B4GALT1: variants seen among roughly 807,000 people sequenced by gnomAD.
B4GALT1 encodes the protein N-acetyllactosamine synthase.
B4GALT1 carries 16 observed loss-of-function variants against 34.9 expected under a neutral mutation model. The observed-to-expected ratio is 0.46, with a 90% CI of 0.31 to 0.70. The LOEUF is 0.70. B4GALT1 is among the 30% of genes least tolerant of loss of function. The probability of loss-of-function intolerance (pLI) is 0.05; values close to 1 mark genes in which losing one functional copy is unlikely to be tolerated. For missense variants in B4GALT1, 445 were observed against 530.5 expected (o/e 0.84, Z 1.58); for synonymous variants, 221 against 218.1 (o/e 1.01, Z -0.12).
chr9:33,141,577 A>G (rs769376320), intron 1 of B4GALT1, among the ~76,000 whole-genome samples: 6 of 152,312 alleles, frequency 3.9e-5, no homozygotes, highest in Middle Eastern at 6.8e-3. Flanking sequence ...AGCCAACAGT[A>G]CTGCTAAGTG....
At chr9:33,107,477 C>T (rs1382385153), downstream of B4GALT1, among the ~76,000 whole-genome samples, 24 of 152,106 alleles carry the variant, frequency 1.6e-4, no homozygotes, top group East Asian at 9.6e-4. Flanking sequence ...AAACATGTCT[C>T]GCCCAGGGAG....
intron 1 of B4GALT1, among the ~76,000 whole-genome samples, chr9:33,147,957 C>G (rs538867733): frequency 6.6e-6 from 1 of 152,030 alleles, no homozygotes; most frequent in East Asian, 1.9e-4. Context: ...TCGCTTAAGC[C>G]CAGGATTGCG....
intron 1 of B4GALT1, among the ~76,000 whole-genome samples, chr9:33,143,847 A>G (rs1218350544): frequency 1.3e-5 from 2 of 151,944 alleles, no homozygotes; most frequent in Non-Finnish European, 2.9e-5. Context: ...ATGGTCAAAT[A>G]TAATAACTAC....
intron 1 of B4GALT1, among the ~76,000 whole-genome samples, chr9:33,139,991 C>G (rs1840325830): frequency 1.3e-5 from 2 of 152,260 alleles, no homozygotes; most frequent in Admixed American, 1.3e-4. Context: ...GGCCTCTCGG[C>G]TGGGAGTCCA....
At chr9:33,157,063 T>TACACACACAC (rs371027641) in intron 1 of B4GALT1, among the ~76,000 whole-genome samples, 2,952 of 87,276 alleles carry the variant, frequency 0.034, 294 homozygotes, top group African/African-American at 0.074. Flanking sequence ...CATAGGGAAC[T>TACACACACAC]ACACACACAC....
intron 2 of B4GALT1, among the ~76,000 whole-genome samples, chr9:33,125,643 C>T (rs1392018051): frequency 6.9e-6 from 1 of 144,950 alleles, no homozygotes; most frequent in Non-Finnish European, 1.6e-5. Flanking sequence ...TGCAAGCAGC[C>T]TTTGTAGGGG....
At chr9:33,179,905 C>T in the B4GALT1 span, 1 of 152,212 alleles carries the variant, frequency 6.6e-6, no homozygotes, top group African/African-American at 2.4e-5. Flanking sequence ...CTGCATTAAG[C>T]TAAAATCCAT....
At chr9:33,151,624 A>G (rs558406832) in intron 1 of B4GALT1, among the ~76,000 whole-genome samples, 4 of 152,324 alleles carry the variant, frequency 2.6e-5, no homozygotes, top group African/African-American at 4.8e-5. Context: ...TACTTATCGC[A>G]TGTTCTTATT....
At chr9:33,117,003 A>G (rs879527871) in intron 3 of B4GALT1, among the ~76,000 whole-genome samples, 10 of 152,216 alleles carry the variant, frequency 6.6e-5, no homozygotes, top group Non-Finnish European at 2.9e-5. Context: ...CCAGTCAGTG[A>G]CAAGAGCAGG....
chr9:33,138,867 C>T (rs1173667331), intron 1 of B4GALT1, among the ~76,000 whole-genome samples: 2 of 152,170 alleles, frequency 1.3e-5, no homozygotes, highest in African/African-American at 4.8e-5. Context: ...CAGCAACTGA[C>T]ACCACCATCT....
intron 4 of B4GALT1, among the ~76,000 whole-genome samples, chr9:33,115,090 A>G (rs1266732519): frequency 1.3e-5 from 2 of 152,264 alleles, no homozygotes; most frequent in Non-Finnish European, 2.9e-5. Context: ...TGTATGCAGC[A>G]GATGTTCAAT....
the B4GALT1 span, among the ~76,000 whole-genome samples, chr9:33,178,005 T>TTTTTC: frequency 6.6e-6 from 1 of 150,780 alleles, no homozygotes; most frequent in East Asian, 1.9e-4. Flanking sequence ...TTTTTTTTTT[T>TTTTTC]TTGAGACAGG....
chr9:33,116,198 A>C, intron 3 of B4GALT1, 85 bp from the exon 4 acceptor site: 3 of 1,490,190 alleles, frequency 2.0e-6, no homozygotes, highest in Admixed American at 1.8e-5. Flanking sequence ...GAACATAAAC[A>C]CTTTTAAAGT....
intron 1 of B4GALT1, among the ~76,000 whole-genome samples, chr9:33,163,220 A>C (rs1840700261): frequency 6.6e-6 from 1 of 152,158 alleles, no homozygotes; most frequent in Non-Finnish European, 1.5e-5. Context: ...GAGAGCTGAG[A>C]GCCCAGCAAA....
chr9:33,138,985 C>T (rs1252377988), intron 1 of B4GALT1, among the ~76,000 whole-genome samples: 1 of 152,124 alleles, frequency 6.6e-6, no homozygotes, highest in African/African-American at 2.4e-5. Flanking sequence ...TACACACACA[C>T]ACACGCCCAC....
At chr9:33,154,782 A>C (rs1456051312) in intron 1 of B4GALT1, among the ~76,000 whole-genome samples, 1 of 152,238 alleles carries the variant, frequency 6.6e-6, no homozygotes, top group Non-Finnish European at 1.5e-5. Flanking sequence ...ACATGCGGCC[A>C]GGATGGCTTT....
downstream of B4GALT1, among the ~76,000 whole-genome samples, chr9:33,109,756 G>A (rs144818187): frequency 4.5e-3 from 691 of 152,366 alleles, 3 homozygotes; most frequent in Admixed American, 7.3e-3. Flanking sequence ...TCTCCAGGCA[G>A]ACAGTGTCAG....
intron 1 of B4GALT1, among the ~76,000 whole-genome samples, chr9:33,162,984 C>A (rs1840694960): frequency 6.6e-6 from 1 of 152,128 alleles, no homozygotes; most frequent in Non-Finnish European, 1.5e-5. Context: ...AAAAAAACAA[C>A]AGGACAAAAC....
At chr9:33,161,430 G>T (rs1840673984) in intron 1 of B4GALT1, among the ~76,000 whole-genome samples, 1 of 152,082 alleles carries the variant, frequency 6.6e-6, no homozygotes, top group Non-Finnish European at 1.5e-5. Context: ...AGCTCACCCG[G>T]CAATGGCCCA....
Sources: gnomAD v4.1 joint callset for allele counts (sites outside exome capture counted in the v4.1 genomes callset) on GRCh38, gnomAD v4.1.1 for gene constraint, MANE v1.5 for transcripts, NCBI Gene and HGNC (gene_info 2026-07-23, HGNC 2026-07-21) for gene names.